Variants in TGFBR1 observed in about 807,000 individuals in gnomAD.
TGFBR1 encodes TGF-beta receptor type-1.
A neutral mutation model predicts 55.1 loss-of-function variants in TGFBR1; 20 were observed. The ratio of observed to expected loss-of-function variants is 0.36; its 90% CI spans 0.26 to 0.53. The LOEUF is 0.53. Ranked by LOEUF, TGFBR1 falls within the 20% of genes least tolerant of loss-of-function variation. The pLI is 0.91. For synonymous variants in TGFBR1, 220 were observed against 214.8 expected (o/e 1.02, Z -0.21); for missense variants, 385 against 617.6 (o/e 0.62, Z 3.99).
intron 3 of TGFBR1, among the ~76,000 whole-genome samples, chr9:99,134,799 CCATTATATA>C (rs1827368299): frequency 4.3e-5 from 3 of 69,746 alleles, no homozygotes; most frequent in African/African-American, 1.6e-4. Context: ...AATTCTGTTT[CCATTATATA>C]TATATATATA....
intron 5 of TGFBR1, among the ~76,000 whole-genome samples, chr9:99,143,289 G>A (rs1827685076): frequency 6.6e-6 from 1 of 152,106 alleles, no homozygotes; most frequent in Non-Finnish European, 1.5e-5. Flanking sequence ...CAGAATTCAG[G>A]TCCAACTGAA....
intron 4 of TGFBR1, among the ~76,000 whole-genome samples, chr9:99,141,572 G>A (rs538078934): frequency 5.4e-4 from 82 of 152,274 alleles, no homozygotes; most frequent in African/African-American, 1.9e-3. Context: ...TGTATAAAAG[G>A]AGAAACAGGC....
At chr9:99,127,361 G>C (rs747014517) in intron 1 of TGFBR1, among the ~76,000 whole-genome samples, 10 of 152,170 alleles carry the variant, frequency 6.6e-5, no homozygotes, top group Non-Finnish European at 1.5e-4. Context: ...ACAGGCTTCA[G>C]CCCCTCAGAC....
At chr9:99,115,838 A>G (rs1826718862) in intron 1 of TGFBR1, among the ~76,000 whole-genome samples, 1 of 152,188 alleles carries the variant, frequency 6.6e-6, no homozygotes. Context: ...ATCAAAATAA[A>G]CAAGTTAAAG....
chr9:99,105,445 G>A, intron 1 of TGFBR1, 143 bp downstream of exon 1: 3 of 738,264 alleles, frequency 4.1e-6, no homozygotes, highest in Non-Finnish European at 5.0e-6. Context: ...CTCTCGTGGC[G>A]CCGCGCGGCT....
Position 99,132,557 on chromosome 9 carries a change from C to T in TGFBR1, c.392C>T (p.Ala131Val). ...LGPVELAAVI[A>V]GPVCFVCISL... ...CCTGTGGAACTGGCAGCTGTCATTG[C>T]TGGACCAGTGTGCTTCGTCTGCATC... The change falls in exon 3 of 9, where the codon GCT (alanine) becomes GTT (valine). Residue 131 changes from alanine to valine, a missense_variant. This residue lies in a region of TGFBR1 where 146 missense variants were observed against 167.7 expected (regional missense o/e 0.87). Coordinates refer to ENST00000374994, the MANE Select transcript of TGFBR1 (RefSeq NM_004612.4). The T allele has an allele frequency of 6.2e-7, 1 of 1,614,140 alleles. No individual in the cohort carries two copies. The highest frequency in any genetic ancestry group is 8.5e-7 in the Non-Finnish European group (1 of 1,180,010).
At chr9:99,114,235 T>C (rs1826664942) in intron 1 of TGFBR1, among the ~76,000 whole-genome samples, 1 of 151,808 alleles carries the variant, frequency 6.6e-6, no homozygotes, top group South Asian at 2.1e-4. Context: ...AAGATAAGAA[T>C]CAGTAAGTCA....
At position 99,149,369 on chromosome 9, in the gene TGFBR1, G is replaced by A. The variant is rs889500024; in HGVS notation, c.*64G>A. ...TCTGCTCCTGGGTTTTAATTTGGGA[G>A]GTCAATTGTTCTACCTCACTGAGAG... On this transcript the variant is annotated 3_prime_UTR_variant, in exon 9 of 9. Transcript: ENST00000374994. 1.2e-6 allele frequency: 2 copies of A among 1,602,960 alleles called. No homozygotes were observed. The highest frequency in any genetic ancestry group is 1.7e-4 in the Middle Eastern group (1 of 6,034).
intron 1 of TGFBR1, among the ~76,000 whole-genome samples, chr9:99,112,447 A>G (rs1336950829): frequency 6.6e-6 from 1 of 152,186 alleles, no homozygotes; most frequent in African/African-American, 2.4e-5. Context: ...CTCTGTAACA[A>G]TACCTTCTAA....
intron 2 of TGFBR1, among the ~76,000 whole-genome samples, chr9:99,130,031 T>C (rs1023592737): frequency 1.3e-5 from 2 of 152,208 alleles, no homozygotes; most frequent in African/African-American, 2.4e-5. Context: ...CTCTTACCTC[T>C]TTCCCCAGAT....
chr9:99,112,582 A>G (rs532162357), intron 1 of TGFBR1, among the ~76,000 whole-genome samples: 17 of 152,188 alleles, frequency 1.1e-4, no homozygotes, highest in Non-Finnish European at 2.4e-4. Context: ...AGTGTATGGA[A>G]AGTGCCTGGT....
At chr9:99,107,955 C>CT (rs1436399827) in intron 1 of TGFBR1, among the ~76,000 whole-genome samples, 1 of 152,190 alleles carries the variant, frequency 6.6e-6, no homozygotes, top group African/African-American at 2.4e-5. Context: ...CTCTGCAACA[C>CT]TTAACAGTTT....
chr9:99,130,891 C>T (rs888879419), intron 2 of TGFBR1, among the ~76,000 whole-genome samples: 5 of 152,110 alleles, frequency 3.3e-5, no homozygotes, highest in Non-Finnish European at 7.4e-5. Flanking sequence ...TTTAAAAATG[C>T]ACTATTGAGA....
In TGFBR1 at chr9:99,152,432, TG is replaced by T. The variant is rs1828003950; in HGVS notation, c.*3128del. 4.4e-6 allele frequency: 1 copy of T among 228,912 alleles called. No individual in the cohort carries two copies. The allele number at this position is 228,912 out of a possible 1,614,324, so 14.2% of individuals were successfully genotyped here. Reference sequence around the variant, plus strand: ...TGTAATAATGATAGTGCTCAAGAAGTGCCTTGAGTTGGTGTACAGTGCCATG... The same window carrying T: ...TGTAATAATGATAGTGCTCAAGAAGTCCTTGAGTTGGTGTACAGTGCCATG... On this transcript the variant is annotated 3_prime_UTR_variant, in exon 9 of 9. Transcript: ENST00000374994.
At chr9:99,135,540 G>A (rs1827408423) in intron 3 of TGFBR1, among the ~76,000 whole-genome samples, 1 of 152,216 alleles carries the variant, frequency 6.6e-6, no homozygotes, top group Admixed American at 6.5e-5. Context: ...GAACTTCAGG[G>A]AATACAATGA....
In TGFBR1 at chr9:99,149,355, G is replaced by T; in HGVS notation, c.*50G>T. 6.2e-7 allele frequency: 1 copy of T among 1,610,948 alleles called. No individual in the cohort carries two copies. Among genetic ancestry groups the T allele is most frequent in the Non-Finnish European group, 8.5e-7 (1 of 1,177,958 alleles). On this transcript the variant is annotated 3_prime_UTR_variant, in exon 9 of 9. Coordinates refer to ENST00000374994, the MANE Select transcript of TGFBR1 (RefSeq NM_004612.4). ...CTTTTTTCTTCAGATCTGCTCCTGG[G>T]TTTTAATTTGGGAGGTCAATTGTTC... is the stretch of plus-strand genomic sequence containing the variant.
chr9:99,108,134 C>T lies in TGFBR1; in HGVS notation c.97+2832C>T, dbSNP rs186718992. 1.6e-4 allele frequency among the ~76,000 whole-genome samples: 24 copies of T among 152,254 alleles called. No homozygotes were observed. The East Asian group carries it at 4.4e-3, about 28-fold the overall frequency. Reference sequence around the variant, plus strand: ...GCTTGTTGATTTCTATTTGAGCATTCCTTTAATATTTATACTGTTTTATGT... The same window carrying T: ...GCTTGTTGATTTCTATTTGAGCATTTCTTTAATATTTATACTGTTTTATGT... On this transcript the variant is annotated intron_variant, in intron 1 of 8. Transcript: ENST00000374994.
intron 3 of TGFBR1, among the ~76,000 whole-genome samples, chr9:99,136,220 G>A (rs1827435196): frequency 6.6e-6 from 1 of 152,124 alleles, no homozygotes; most frequent in Admixed American, 6.6e-5. Context: ...TAATACAGTG[G>A]ATCAAGATTT....
In TGFBR1 at chr9:99,142,574, T is replaced by C. The variant is rs755827803; in HGVS notation, c.844T>C (p.Tyr282His). 22 of 1,613,980 alleles carry C rather than the reference T, an allele frequency of 1.4e-5. No individual in the cohort carries two copies. The highest frequency in any genetic ancestry group is 1.9e-5 in the Non-Finnish European group (22 of 1,179,966). The change falls in exon 5 of 9, where the codon TAT becomes CAT. Residue 282 changes from tyrosine to histidine, a missense_variant. Transcript: ENST00000374994. ...TWTQLWLVSDYHEHGSLFDYL... is the reference protein window; with the variant it reads ...TWTQLWLVSDHHEHGSLFDYL... ...GACTCAGCTCTGGTTGGTGTCAGAT[T>C]ATCATGAGCATGGATCCCTTTTTGA...
Sources: gnomAD v4.1 joint callset for allele counts (sites outside exome capture counted in the v4.1 genomes callset) on GRCh38, gnomAD v4.1.1 for gene constraint, gnomAD v4.1.1 regional missense constraint, MANE v1.5 for transcripts, NCBI Gene and HGNC (gene_info 2026-07-23, HGNC 2026-07-21) for gene names.